The following VPS53 variants were observed in gnomAD, a reference collection of about 807,000 sequenced individuals.
VPS53 encodes vacuolar protein sorting-associated protein 53 homolog.
Under a neutral mutation model 107.0 loss-of-function variants are expected in VPS53, and 70 were observed. The observed-to-expected ratio is 0.65, with a 90% CI of 0.54 to 0.80. The LOEUF (loss-of-function observed/expected upper bound fraction) is 0.80. VPS53 is among the 30% of genes least tolerant of loss of function. The pLI, the probability that VPS53 is intolerant of heterozygous loss-of-function variation, is 0.00. For synonymous variants in VPS53, 409 were observed against 393.3 expected (o/e 1.04, Z -0.47); for missense variants, 917 against 1,049.4 (o/e 0.87, Z 1.74).
chr17:611,915 TAGTG>T (rs1968898089), intron 11 of VPS53, among the ~76,000 whole-genome samples: 1 of 151,928 alleles, frequency 6.6e-6, no homozygotes, highest in Non-Finnish European at 1.5e-5. Flanking sequence ...AGTATTCACA[TAGTG>T]AGTTCACACA....
chr17:529,422 A>ACACC (rs60017064), intron 19 of VPS53, among the ~76,000 whole-genome samples: 3 of 148,232 alleles, frequency 2.0e-5, no homozygotes, highest in South Asian at 4.2e-4. Flanking sequence ...ACACACACAC[A>ACACC]CCCCTGCTGG....
At chr17:559,241 A>G (rs887007175) in intron 15 of VPS53, among the ~76,000 whole-genome samples, 1 of 152,206 alleles carries the variant, frequency 6.6e-6, no homozygotes, top group Admixed American at 6.5e-5. Flanking sequence ...CCAAATTGCT[A>G]ATATGATTAT....
At chr17:664,271 G>C (rs1358208556) in intron 4 of VPS53, among the ~76,000 whole-genome samples, 1 of 152,010 alleles carries the variant, frequency 6.6e-6, no homozygotes, top group South Asian at 2.1e-4. Context: ...GTAGAGACGG[G>C]GTTTCACCGT....
intron 4 of VPS53, chr17:675,748 C>T (rs1972131098): frequency 8.1e-6 from 1 of 122,972 alleles, no homozygotes; most frequent in Non-Finnish European, 1.6e-5. Context: ...TCCTGGGCGA[C>T]AGGGCGAGAC....
rs1327001677 is a variant in VPS53 at position 697,413 on chromosome 17, C to G, written c.285+5G>C. On this transcript the variant is annotated splice_donor_5th_base_variant and intron_variant, in intron 4 of 21. Transcript: ENST00000437048. ...ATAGGTAATATGGAGGAATGAGTTACTTACTTGCCGTCCATCCTGCCCCAC... is the reference window on the plus strand; with the variant it reads ...ATAGGTAATATGGAGGAATGAGTTAGTTACTTGCCGTCCATCCTGCCCCAC... 2 of 1,613,016 alleles carry G rather than the reference C, an allele frequency of 1.2e-6. No homozygotes were observed. Among genetic ancestry groups the G allele is most frequent in the African/African-American group, 1.3e-5 (1 of 74,898 alleles).
chr17:630,146 T>G (rs1969892687), intron 8 of VPS53, among the ~76,000 whole-genome samples: 1 of 151,876 alleles, frequency 6.6e-6, no homozygotes, highest in Non-Finnish European at 1.5e-5. Context: ...ATACAAAAAT[T>G]AGCCAGGTGT....
chr17:614,811 C>A (rs946000626), intron 11 of VPS53, among the ~76,000 whole-genome samples: 1 of 152,134 alleles, frequency 6.6e-6, no homozygotes, highest in South Asian at 2.1e-4. Flanking sequence ...GAATGTAATT[C>A]TAAAAACTGG....
intron 4 of VPS53, among the ~76,000 whole-genome samples, chr17:683,344 G>C (rs1972471452): frequency 6.6e-6 from 1 of 151,510 alleles, no homozygotes; most frequent in South Asian, 2.1e-4. Context: ...CAAGCTAGAA[G>C]ACAAAGACTG....
At chr17:695,829 G>A (rs1402441330) in intron 4 of VPS53, among the ~76,000 whole-genome samples, 1 of 152,198 alleles carries the variant, frequency 6.6e-6, no homozygotes, top group African/African-American at 2.4e-5. Context: ...TGGGATTGCA[G>A]GTGTGGGCCA....
intron 13 of VPS53, among the ~76,000 whole-genome samples, chr17:572,544 G>T (rs1914261070): frequency 6.6e-6 from 1 of 151,996 alleles, no homozygotes; most frequent in Non-Finnish European, 1.5e-5. Context: ...AGAGCTTATT[G>T]AGAACGGGCC....
chr17:663,829 C>G (rs1224708780), intron 4 of VPS53, among the ~76,000 whole-genome samples: 2 of 151,748 alleles, frequency 1.3e-5, no homozygotes, highest in African/African-American at 4.8e-5. Context: ...GTAAACAAGA[C>G]AGTATGGTCT....
At chr17:659,587 G>T (rs1307696015) in intron 5 of VPS53, among the ~76,000 whole-genome samples, 1 of 152,070 alleles carries the variant, frequency 6.6e-6, no homozygotes, top group Non-Finnish European at 1.5e-5. Flanking sequence ...GGCTGCATCA[G>T]GGGTCTTTAA....
intron 11 of VPS53, among the ~76,000 whole-genome samples, chr17:609,626 T>G (rs1688785163): frequency 6.6e-6 from 1 of 152,170 alleles, no homozygotes; most frequent in African/African-American, 2.4e-5. Context: ...AGGGACTACT[T>G]TTAAATCTTA....
intron 2 of VPS53, among the ~76,000 whole-genome samples, chr17:702,979 G>A (rs373239041): frequency 7.2e-5 from 11 of 152,324 alleles, no homozygotes; most frequent in South Asian, 2.1e-4. Flanking sequence ...GCCAAGGTAC[G>A]TGGGTTTCCT....
chr17:565,209 C>A (rs561779464), intron 13 of VPS53, among the ~76,000 whole-genome samples: 299 of 151,946 alleles, frequency 2.0e-3, no homozygotes, highest in Non-Finnish European at 2.3e-3. Context: ...TGAGACCAGC[C>A]TGACCAACAT....
intron 2 of VPS53, among the ~76,000 whole-genome samples, chr17:700,845 TA>T (rs1347759965): frequency 6.6e-6 from 1 of 152,206 alleles, no homozygotes; most frequent in Admixed American, 6.5e-5. Flanking sequence ...AATATGCTTA[TA>T]AATTGCTTCT....
At chr17:663,504 T>G (rs1022511579) in intron 4 of VPS53, among the ~76,000 whole-genome samples, 1 of 150,996 alleles carries the variant, frequency 6.6e-6, no homozygotes, top group Non-Finnish European at 1.5e-5. Context: ...GGACCATCCG[T>G]GAGTAAAGAC....
intron 11 of VPS53, among the ~76,000 whole-genome samples, chr17:608,040 T>C (rs1968666531): frequency 6.6e-6 from 1 of 152,176 alleles, no homozygotes; most frequent in South Asian, 2.1e-4. Flanking sequence ...GAGATGAAAG[T>C]TCCTCAGTTT....
intron 11 of VPS53, among the ~76,000 whole-genome samples, chr17:605,069 C>T (rs1396580649): frequency 6.6e-6 from 1 of 150,678 alleles, no homozygotes; most frequent in Non-Finnish European, 1.5e-5. Context: ...GAAAAGATGT[C>T]TGAGCCAGAG....
Sources: allele counts gnomAD v4.1 joint callset (sites outside exome capture counted in the v4.1 genomes callset), GRCh38; gene constraint gnomAD v4.1.1; transcripts MANE v1.5; gene names NCBI Gene and HGNC (gene_info 2026-07-23, HGNC 2026-07-21).